The following ANKRD30A variants were observed in gnomAD, a reference collection of about 807,000 sequenced individuals.
ANKRD30A encodes the protein ankyrin repeat domain 30A, also known as ankyrin repeat domain-containing protein 30A.
In ANKRD30A, 170 loss-of-function variants were observed where a neutral mutation model predicts 166.3. That is an observed-to-expected ratio of 1.02 (90% confidence interval 0.90 to 1.16). The LOEUF (loss-of-function observed/expected upper bound fraction) is 1.16. ANKRD30A is among the 50% of genes most tolerant of loss of function. The pLI is 0.00. For missense variants in ANKRD30A, 1,630 were observed against 1,518.0 expected (o/e 1.07, Z -1.23); for synonymous variants, 564 against 508.9 (o/e 1.11, Z -1.46).
At chr10:37,134,217 TTATCCC>T (rs1478247794) in intron 5 of ANKRD30A, among the ~76,000 whole-genome samples, 164 bp downstream of exon 5, 1 of 152,216 alleles carries the variant, frequency 6.6e-6, no homozygotes, top group Non-Finnish European at 1.5e-5. Flanking sequence ...TTCAACAACT[TTATCCC>T]TAGGGATCCT....
At position 37,219,226 on chromosome 10, in the gene ANKRD30A, A is replaced by T. The variant is rs995089428; in HGVS notation, c.3514A>T (p.Ile1172Leu). 1.2e-6 allele frequency: 2 copies of T among 1,610,580 alleles called. No homozygotes were observed. The highest frequency in any genetic ancestry group is 1.7e-5 in the Admixed American group (1 of 59,692). ...SQYSGQLKVL[I>L]AENTMLTSKL... is the part of the protein sequence containing the mutation. Reference sequence around the variant, plus strand: ...ATATAGTGGGCAGCTTAAAGTTCTGATAGCTGAGAACACAATGCTCACTTC... The same window carrying T: ...ATATAGTGGGCAGCTTAAAGTTCTGTTAGCTGAGAACACAATGCTCACTTC... Residue 1172 changes from isoleucine (I) to leucine (L), a missense_variant, in exon 34 of 36, where the codon ATA becomes TTA. By Grantham distance (5) the Ile-to-Leu change is conservative (BLOSUM62 2). Coordinates refer to ENST00000361713, the MANE Select transcript of ANKRD30A (RefSeq NM_052997.3).
intron 25 of ANKRD30A, among the ~76,000 whole-genome samples, chr10:37,192,227 G>A (rs1379850434): frequency 6.6e-6 from 1 of 151,834 alleles, no homozygotes; most frequent in Non-Finnish European, 1.5e-5. Context: ...AGTGGGGACA[G>A]TGTTTCTAAA....
intron 1 of ANKRD30A, among the ~76,000 whole-genome samples, chr10:37,127,558 A>G (rs1470752897): frequency 1.3e-5 from 2 of 152,176 alleles, no homozygotes; most frequent in African/African-American, 4.8e-5. Flanking sequence ...CGCTTTATAG[A>G]GAATTCACTC....
At chr10:37,201,665 A>G (rs1390991023) in intron 31 of ANKRD30A, among the ~76,000 whole-genome samples, 2 of 152,130 alleles carry the variant, frequency 1.3e-5, no homozygotes, top group African/African-American at 4.8e-5. Flanking sequence ...TCAGGTTTAT[A>G]TAATGGAGGA....
intron 30 of ANKRD30A, among the ~76,000 whole-genome samples, chr10:37,200,294 G>C (rs1237279410): frequency 6.6e-6 from 1 of 152,004 alleles, no homozygotes; most frequent in African/African-American, 2.4e-5. Flanking sequence ...AGAAAGAAAA[G>C]CATGAGGAAT....
the ANKRD30A span, chr10:37,240,899 C>T: frequency 6.6e-6 from 1 of 152,038 alleles, no homozygotes. Context: ...ATTATCTCAT[C>T]TTCATCCTGT....
At chr10:37,162,437 C>A (rs562694537) in intron 15 of ANKRD30A, among the ~76,000 whole-genome samples, 2 of 152,304 alleles carry the variant, frequency 1.3e-5, no homozygotes, top group Admixed American at 1.3e-4. Context: ...GAAGTCTTAA[C>A]TGCATGATCT....
chr10:37,160,814 C>T (rs1233895466), intron 15 of ANKRD30A, among the ~76,000 whole-genome samples: 2 of 152,136 alleles, frequency 1.3e-5, no homozygotes, highest in Non-Finnish European at 2.9e-5. Flanking sequence ...TCCACGGCTT[C>T]ACATGCTAGT....
chr10:37,242,213 G>A, the ANKRD30A span, among the ~76,000 whole-genome samples: 4 of 152,158 alleles, frequency 2.6e-5, no homozygotes, highest in Non-Finnish European at 5.9e-5. Flanking sequence ...AATGCAGAAT[G>A]TTCTTCAATT....
At chr10:37,191,553 C>G (rs1840579032) in intron 25 of ANKRD30A, among the ~76,000 whole-genome samples, 1 of 151,952 alleles carries the variant, frequency 6.6e-6, no homozygotes, top group South Asian at 2.1e-4. Flanking sequence ...TCCTGTGATT[C>G]CAGATCAGTT....
chr10:37,153,319 A>C (rs145409139), intron 12 of ANKRD30A, among the ~76,000 whole-genome samples: 1 of 152,244 alleles, frequency 6.6e-6, no homozygotes, highest in East Asian at 1.9e-4. Flanking sequence ...TTTTTTTATC[A>C]AGGTGATTTG....
chr10:37,199,665 G>A, intron 29 of ANKRD30A, 62 bp from the exon 30 acceptor site: 1 of 1,127,526 alleles, frequency 8.9e-7, no homozygotes, highest in Non-Finnish European at 1.3e-6. Flanking sequence ...ATTTGTATAT[G>A]TTTTTAAAAT....
chr10:37,243,741 G>A, the ANKRD30A span, among the ~76,000 whole-genome samples: 4 of 152,002 alleles, frequency 2.6e-5, no homozygotes, highest in Admixed American at 6.5e-5. Context: ...TTCTAAGTAA[G>A]GACCCAAAAC....
rs547576323 is a variant in ANKRD30A, at chr10:37,197,342, T to C, written c.2643+33T>C. 61 of 1,613,206 alleles carry C rather than the reference T, an allele frequency of 3.8e-5. No individual in the cohort carries two copies. The East Asian group carries it at 1.2e-3, about 32-fold the overall frequency. On this transcript the variant is annotated intron_variant, in intron 28 of 35. Coordinates refer to ENST00000361713, the MANE Select transcript of ANKRD30A (RefSeq NM_052997.3). ...GTTTTATGATTTCATTTTGAATGAC[T>C]TATTAACTATGTATTTTGTGAAGTA... is the stretch of plus-strand genomic sequence containing the variant.
intron 25 of ANKRD30A, among the ~76,000 whole-genome samples, chr10:37,191,715 G>A (rs1446658910): frequency 6.6e-6 from 1 of 151,882 alleles, no homozygotes; most frequent in Non-Finnish European, 1.5e-5. Flanking sequence ...AAGATTTCAG[G>A]CCAGGTGTGG....
At chr10:37,225,849 A>G (rs1456726750) in intron 34 of ANKRD30A, among the ~76,000 whole-genome samples, 1 of 151,686 alleles carries the variant, frequency 6.6e-6, no homozygotes, top group African/African-American at 2.4e-5. Flanking sequence ...CACTCTTTGC[A>G]GTAGCTTTTA....
chr10:37,206,475 T>G (rs1842002973), intron 31 of ANKRD30A, among the ~76,000 whole-genome samples: 2 of 152,194 alleles, frequency 1.3e-5, no homozygotes, highest in Non-Finnish European at 2.9e-5. Flanking sequence ...GGCTTTTTTT[T>G]GTAAAATTTC....
chr10:37,158,901 G>A (rs1838603488), intron 15 of ANKRD30A, among the ~76,000 whole-genome samples: 1 of 152,170 alleles, frequency 6.6e-6, no homozygotes, highest in Non-Finnish European at 1.5e-5. Context: ...AATATTTGCA[G>A]TGGTTCAAAG....
chr10:37,153,319 A>G (rs145409139), intron 12 of ANKRD30A, among the ~76,000 whole-genome samples: 1 of 152,126 alleles, frequency 6.6e-6, no homozygotes, highest in African/African-American at 2.4e-5. Flanking sequence ...TTTTTTTATC[A>G]AGGTGATTTG....
Sources: allele counts gnomAD v4.1 joint callset (sites outside exome capture counted in the v4.1 genomes callset), GRCh38; gene constraint gnomAD v4.1.1; transcripts MANE v1.5; gene names NCBI Gene and HGNC (gene_info 2026-07-23, HGNC 2026-07-21).